Variants in SYT6 observed in about 807,000 individuals in gnomAD.
The protein encoded by SYT6 is synaptotagmin 6, also known as synaptotagmin-6.
Under a neutral mutation model 38.4 loss-of-function variants are expected in SYT6, and 24 were observed. That is an observed-to-expected ratio of 0.62 (90% confidence interval 0.45 to 0.88). The LOEUF (loss-of-function observed/expected upper bound fraction) is 0.88, where lower values mean the gene tolerates loss of function less well. Among genes scored for constraint, SYT6 ranks in the 40% least tolerant of loss-of-function variants. The pLI, the probability that SYT6 is intolerant of heterozygous loss-of-function variation, is 0.00. For missense variants in SYT6, 611 were observed against 621.0 expected (o/e 0.98, Z 0.17); for synonymous variants, 265 against 241.9 (o/e 1.10, Z -0.89).
intron 6 of SYT6, 138 bp downstream of exon 6, chr1:114,097,589 T>G: frequency 9.3e-7 from 1 of 1,076,412 alleles, no homozygotes; most frequent in Non-Finnish European, 1.4e-6. Flanking sequence ...TTTGGCCTAT[T>G]ACACACTGGG....
chr1:114,134,374 A>G (rs1347888762), intron 3 of SYT6, among the ~76,000 whole-genome samples: 1 of 152,178 alleles, frequency 6.6e-6, no homozygotes, highest in South Asian at 2.1e-4. Context: ...TTGGGTACCC[A>G]TATATAGTTT....
At chr1:114,103,527 C>A in intron 4 of SYT6, 74 bp downstream of exon 4, 2 of 1,579,462 alleles carry the variant, frequency 1.3e-6, no homozygotes, top group Non-Finnish European at 1.7e-6. Context: ...ACAATTCTTT[C>A]TCCTTCTCCC....
In SYT6 at chr1:114,097,774, T is replaced by C. The variant is rs1350182329; in HGVS notation, c.1468A>G (p.Ile490Val). Residue 490 changes from isoleucine to valine, a missense_variant, in exon 6 of 8, where the codon ATC (isoleucine) becomes GTC (valine). Ile to Val is a conservative substitution (Grantham distance 29). Coordinates refer to ENST00000610222, the MANE Select transcript of SYT6 (RefSeq NM_001253772.2). ...TCCACCAAGGAGTGCCAGTGTGCGATGGGCTTCCGGGGGTATGCCAGCATC... is the reference window on the plus strand; with the variant it reads ...TCCACCAAGGAGTGCCAGTGTGCGACGGGCTTCCGGGGGTATGCCAGCATC... ...NEMLAYPRKP[I>V]AHWHSLVEVK... 1 of 1,614,236 alleles carries C rather than the reference T, an allele frequency of 6.2e-7. No homozygotes were observed. The highest frequency in any genetic ancestry group is 8.5e-7 in the Non-Finnish European group (1 of 1,180,054).
chr1:114,124,039 G>T (rs190958163), intron 3 of SYT6, among the ~76,000 whole-genome samples: 2 of 152,308 alleles, frequency 1.3e-5, no homozygotes, highest in Admixed American at 1.3e-4. Flanking sequence ...TGCAGAACTG[G>T]GAGGGTTGAG....
At chr1:114,112,631 A>C (rs1281442993) in intron 3 of SYT6, among the ~76,000 whole-genome samples, 1 of 152,238 alleles carries the variant, frequency 6.6e-6, no homozygotes, top group Non-Finnish European at 1.5e-5. Flanking sequence ...ATGCCTGGTC[A>C]AGCCAGGAAG....
intron 3 of SYT6, among the ~76,000 whole-genome samples, chr1:114,109,161 A>G (rs1285036026): frequency 2.6e-5 from 4 of 152,152 alleles, no homozygotes; most frequent in Non-Finnish European, 5.9e-5. Context: ...CCCCTGTGAT[A>G]TCTCCTCCCA....
chr1:114,116,381 G>T (rs1676997246), intron 3 of SYT6, among the ~76,000 whole-genome samples: 2 of 152,182 alleles, frequency 1.3e-5, no homozygotes, highest in African/African-American at 4.8e-5. Flanking sequence ...TCTCTGCACA[G>T]ATCTTTGTAC....
Position 114,104,686 on chromosome 1 carries a change from A to C in SYT6, c.1072-965T>G, listed in dbSNP as rs992898567. On this transcript the variant is annotated intron_variant, in intron 3 of 7. Transcript: ENST00000610222. ...AGGCCCTCCATCCATCCATCCATTC[A>C]GTAATTCAGTCAGTTAACAACTATT... Among the ~76,000 whole-genome samples the C allele has an allele frequency of 3.9e-5, 6 of 152,210 alleles. No homozygotes were observed. In the South Asian group the frequency reaches 1.2e-3, roughly 32 times the overall value.
intron 1 of SYT6, among the ~76,000 whole-genome samples, chr1:114,140,829 C>T (rs141406223): frequency 2.0e-3 from 303 of 152,272 alleles, no homozygotes; most frequent in African/African-American, 6.1e-3. Context: ...GTGTCTGTCA[C>T]GTTTTGTTAA....
At chr1:114,099,383 G>A in intron 4 of SYT6, 118 bp from the exon 5 acceptor site, 2 of 1,055,470 alleles carry the variant, frequency 1.9e-6, no homozygotes, top group Non-Finnish European at 1.3e-6. Flanking sequence ...GATGGTATCA[G>A]TGGGTTGTTA....
In SYT6 at chr1:114,089,545, A is replaced by G. The variant is rs546993804; in HGVS notation, c.*2589T>C. 3 of 152,468 alleles carry G rather than the reference A, an allele frequency of 2.0e-5. No homozygotes were observed. Among genetic ancestry groups the G allele is most frequent in the East Asian group, 3.8e-4 (2 of 5,332 alleles). The allele number at this position is 152,468 out of a possible 1,614,324, so 9.4% of individuals were successfully genotyped here. A position where few individuals can be genotyped will look rare whatever the true frequency, so the allele number is the denominator to read the frequency against. On this transcript the variant is annotated 3_prime_UTR_variant, in exon 8 of 8. Transcript: ENST00000610222. ...GGTTATCACAACTTCATCAAAGCTC[A>G]CAGCAACAACCCGAGAGGTTTCTCC... is the stretch of plus-strand genomic sequence containing the variant.
chr1:114,089,474 G>A lies in SYT6; in HGVS notation c.*2660C>T, dbSNP rs868011161. On this transcript the variant is annotated 3_prime_UTR_variant, in exon 8 of 8. Transcript: ENST00000610222. ...GGAAACACTGCTAAATAAAGGAGAA[G>A]GGAACTTTTCATGTTTTTTAAAAAA... The A allele has an allele frequency of 1.3e-5, 2 of 152,480 alleles. No individual in the cohort carries two copies. The highest frequency in any genetic ancestry group is 4.8e-5 in the African/African-American group (2 of 41,430). 9.4% of individuals were successfully genotyped at this position (152,480 alleles called of 1,614,324 possible). A position where few individuals can be genotyped will look rare whatever the true frequency, so the allele number is the denominator to read the frequency against.
At chr1:114,148,464 G>C (rs575151578) in intron 1 of SYT6, among the ~76,000 whole-genome samples, 5 of 152,226 alleles carry the variant, frequency 3.3e-5, no homozygotes, top group Non-Finnish European at 5.9e-5. Context: ...TGGACCCTCA[G>C]AAACGGTCAG....
At chr1:114,111,129 G>C (rs1039332679) in intron 3 of SYT6, among the ~76,000 whole-genome samples, 4 of 152,196 alleles carry the variant, frequency 2.6e-5, no homozygotes, top group Non-Finnish European at 5.9e-5. Context: ...TGGCATTCAA[G>C]CTTCTTCACC....
At chr1:114,125,521 A>G (rs1342687954) in intron 3 of SYT6, among the ~76,000 whole-genome samples, 6 of 152,158 alleles carry the variant, frequency 3.9e-5, no homozygotes, top group African/African-American at 1.4e-4. Flanking sequence ...CATGAGAGGA[A>G]AATGTGGCTA....
rs745931024 is a variant in SYT6 at position 114,103,636 on chromosome 1, C to T, written c.1157G>A (p.Arg386Gln). 1.5e-5 allele frequency: 24 copies of T among 1,614,042 alleles called. No individual in the cohort carries two copies. The highest frequency in any genetic ancestry group is 8.8e-5 in the South Asian group (8 of 91,082). Residue 386 changes from arginine (R) to glutamine (Q), a missense_variant, in exon 4 of 8, where the codon CGG becomes CAG. By Grantham distance (43) the Arg-to-Gln change is conservative. Coordinates refer to ENST00000610222, the MANE Select transcript of SYT6 (RefSeq NM_001253772.2). ...TGTGATGTCCATCGCCTTGAGGTTC[C>T]GACACTTAATCACTGTGAGGGTGAG... ...GRLTLTVIKCRNLKAMDITGY... is the reference protein window; with the variant it reads ...GRLTLTVIKCQNLKAMDITGY...
intron 3 of SYT6, among the ~76,000 whole-genome samples, chr1:114,127,865 G>C (rs1398935251): frequency 1.3e-5 from 2 of 152,218 alleles, no homozygotes; most frequent in Admixed American, 6.5e-5. Flanking sequence ...ACCAGGCCCA[G>C]GGGAGCATGG....
At position 114,121,476 on chromosome 1, in the gene SYT6, T is replaced by C. The variant is rs192496493; in HGVS notation, c.1071+16019A>G. Among the ~76,000 whole-genome samples the C allele has an allele frequency of 5.9e-5, 9 of 152,348 alleles. No individual in the cohort carries two copies. The East Asian group carries it at 1.5e-3, about 26-fold the overall frequency. On this transcript the variant is annotated intron_variant, in intron 3 of 7. Coordinates refer to ENST00000610222, the MANE Select transcript of SYT6 (RefSeq NM_001253772.2). Reference sequence around the variant, plus strand: ...CTCTCCCTTCACTGCATTCACATTGTTTTCTAAGCAACAGGAGGACCCTGG... The same window carrying C: ...CTCTCCCTTCACTGCATTCACATTGCTTTCTAAGCAACAGGAGGACCCTGG...
intron 6 of SYT6, among the ~76,000 whole-genome samples, chr1:114,096,926 T>A (rs1209955559): frequency 1.3e-5 from 2 of 152,144 alleles, no homozygotes; most frequent in African/African-American, 4.8e-5. Context: ...ACACTTCCAA[T>A]CCATTTGAGA....
Sources: allele counts gnomAD v4.1 joint callset (sites outside exome capture counted in the v4.1 genomes callset), GRCh38; gene constraint gnomAD v4.1.1; transcripts MANE v1.5; gene names NCBI Gene and HGNC (gene_info 2026-07-23, HGNC 2026-07-21).